Variants in COL9A3 observed in about 807,000 individuals in gnomAD.
COL9A3 encodes collagen type IX alpha 3 chain, also known as collagen alpha-3(IX) chain.
A neutral mutation model predicts 110.2 loss-of-function variants in COL9A3; 82 were observed. The observed-to-expected ratio is 0.74, with a 90% CI of 0.62 to 0.89. The LOEUF is 0.89. COL9A3 is among the 40% of genes least tolerant of loss of function. The probability of loss-of-function intolerance (pLI) is 0.00; values close to 1 mark genes in which losing one functional copy is unlikely to be tolerated. For synonymous variants in COL9A3, 494 were observed against 403.8 expected (o/e 1.22, Z -2.68); for missense variants, 1,066 against 981.3 (o/e 1.09, Z -1.15).
rs2063672701 is a variant in COL9A3 at position 62,840,826 on chromosome 20, G to GA, written c.*95dup. The GA allele has an allele frequency of 2.8e-6, 4 of 1,454,126 alleles. No individual in the cohort carries two copies. The highest frequency in any genetic ancestry group is 3.6e-4 in the Middle Eastern group (2 of 5,608). The allele number at this position is 1,454,126 out of a possible 1,614,324, so 90.1% of individuals were successfully genotyped here. On this transcript the variant is annotated 3_prime_UTR_variant, in exon 32 of 32. Transcript: ENST00000649368. ...TGTGGCAGGCGGGTGACGTCCAGGA[G>GA]AGGGAGCGCCCCTGGCTGCCCCTCG...
intron 10 of COL9A3, among the ~76,000 whole-genome samples, chr20:62,823,400 G>A (rs2063526028): frequency 6.6e-6 from 1 of 152,208 alleles, no homozygotes; most frequent in Non-Finnish European, 1.5e-5. Flanking sequence ...TCTCTGTTTG[G>A]CCGTCCGTGG....
At chr20:62,821,949 C>G in intron 8 of COL9A3, 139 bp downstream of exon 8, 1 of 752,624 alleles carries the variant, frequency 1.3e-6, no homozygotes, top group East Asian at 2.6e-5. Flanking sequence ...GGTAGAAGCC[C>G]TGGCCAATGA....
chr20:62,819,633 G>A (rs567952676), intron 4 of COL9A3, among the ~76,000 whole-genome samples: 14 of 152,318 alleles, frequency 9.2e-5, no homozygotes, highest in Admixed American at 2.0e-4. Context: ...AGTTTTGTTC[G>A]GAGGAAGCCG....
chr20:62,830,273 G>A, intron 22 of COL9A3, 87 bp from the exon 23 acceptor site: 1 of 1,466,242 alleles, frequency 6.8e-7, no homozygotes, highest in Non-Finnish European at 9.3e-7. Context: ...ACCCACTCTG[G>A]GGGAAGGCTG....
Position 62,828,852 on chromosome 20 carries a change from G to A in COL9A3, c.954+35G>A, listed in dbSNP as rs199824164. The A allele has an allele frequency of 6.3e-5, 101 of 1,612,648 alleles. No homozygotes were observed. The East Asian group carries it at 2.1e-3, about 34-fold the overall frequency. On this transcript the variant is annotated intron_variant, in intron 18 of 31. Coordinates refer to ENST00000649368, the MANE Select transcript of COL9A3 (RefSeq NM_001853.4). ...GGGCTCAGGGTGTGACGGGAGGGAG[G>A]GGGCTGGAGGGGAGTTCGGCCTCCC...
intron 5 of COL9A3, among the ~76,000 whole-genome samples, 184 bp from the exon 6 acceptor site, chr20:62,820,997 A>T (rs2147199371): frequency 6.6e-6 from 1 of 152,308 alleles, no homozygotes; most frequent in South Asian, 2.1e-4. Flanking sequence ...TGTCTCCAGC[A>T]GCTCCCCAGG....
At position 62,817,069 on chromosome 20, in the gene COL9A3, C is replaced by G; in HGVS notation, c.5C>G (p.Ala2Gly). 2 of 1,378,062 alleles carry G rather than the reference C, an allele frequency of 1.5e-6. No individual in the cohort carries two copies. Among genetic ancestry groups the G allele is most frequent in the Non-Finnish European group, 1.9e-6 (2 of 1,059,208 alleles). The allele number at this position is 1,378,062 out of a possible 1,614,324, so 85.4% of individuals were successfully genotyped here. A position where few individuals can be genotyped will look rare whatever the true frequency, so the allele number is the denominator to read the frequency against. Reference protein sequence around the residue: MAGPRACAPLLL... With the variant: MGGPRACAPLLL... ...CAGCTCAGACTCCGCTCAGCCATGG[C>G]CGGGCCGCGCGCGTGCGCCCCGCTC... The change falls in exon 1 of 32, where the codon GCC becomes GGC. Residue 2 changes from alanine (A) to glycine (G), a missense_variant. Ala to Gly is a moderately conservative substitution (Grantham distance 60). Transcript: ENST00000649368.
intron 11 of COL9A3, 50 bp downstream of exon 11, chr20:62,824,551 G>A (rs756125092): frequency 3.3e-6 from 5 of 1,534,412 alleles, no homozygotes; most frequent in Admixed American, 3.9e-5. Flanking sequence ...CTGGGCAGGA[G>A]GCAGCTGGGC....
At chr20:62,817,689 C>A (rs1990980145) in intron 2 of COL9A3, 54 bp downstream of exon 2, 2 of 1,244,484 alleles carry the variant, frequency 1.6e-6, no homozygotes, top group Non-Finnish European at 2.2e-6. Flanking sequence ...GGCTCTGGCC[C>A]CCACCTCCCT....
chr20:62,821,214 G>T lies in COL9A3; in HGVS notation c.343G>T (p.Gly115Trp). ...GGGACCCCCGGGGCCGCCCGGGCTG[G>T]GGGTGAGTATGGAGTGTGGTCCTCT... ...SLGPPGPPGL[G>W]GKGLPGPPGE... is the part of the protein sequence containing the mutation. The change falls in exon 6 of 32, where the codon GGG becomes TGG. Residue 115 changes from glycine to tryptophan, a missense_variant and splice_region_variant. Gly to Trp is a radical substitution (Grantham distance 184). Transcript: ENST00000649368. 6.2e-7 allele frequency: 1 copy of T among 1,613,326 alleles called. No individual in the cohort carries two copies. Among genetic ancestry groups the T allele is most frequent in the Middle Eastern group, 1.7e-4 (1 of 6,050 alleles).
At chr20:62,828,882 C>T (rs772079619) in intron 18 of COL9A3, 41 bp from the exon 19 acceptor site, 27 of 1,612,320 alleles carry the variant, frequency 1.7e-5, no homozygotes, top group Non-Finnish European at 1.9e-5. Flanking sequence ...CCTCCCGAGG[C>T]CTCAGCCTCC....
At chr20:62,825,912 G>A (rs937631129) in intron 13 of COL9A3, 42 bp downstream of exon 13, 25 of 1,538,272 alleles carry the variant, frequency 1.6e-5, no homozygotes, top group Non-Finnish European at 2.1e-5. Context: ...TGGGAACTCA[G>A]CCCACAGAGT....
intron 10 of COL9A3, 147 bp downstream of exon 10, chr20:62,822,779 G>C (rs1223342583): frequency 1.2e-6 from 1 of 824,006 alleles, no homozygotes; most frequent in East Asian, 2.6e-5. Context: ...CAGACAGCTC[G>C]GGCACAACCT....
chr20:62,832,984 AAC>A, intron 25 of COL9A3, 34 bp from the exon 26 acceptor site: 1 of 1,606,112 alleles, frequency 6.2e-7, no homozygotes, highest in Non-Finnish European at 8.5e-7. Flanking sequence ...CTCATGCATG[AAC>A]AGCTCTTTTA....
At chr20:62,832,988 G>GTCCCTA in intron 25 of COL9A3, 32 bp from the exon 26 acceptor site, 1 of 1,609,102 alleles carries the variant, frequency 6.2e-7, no homozygotes, top group Non-Finnish European at 8.5e-7. Context: ...TGCATGAACA[G>GTCCCTA]CTCTTTTAAC....
chr20:62,824,455 TCTGCCCGCCAGGTCCC>T lies in COL9A3; in HGVS notation c.532_547del (p.Cys178GlnfsTer350), dbSNP rs1314933622. On this transcript the variant is annotated frameshift_variant, in exon 11 of 32. Coordinates refer to ENST00000649368, the MANE Select transcript of COL9A3 (RefSeq NM_001853.4). LOFTEE classifies it high-confidence loss of function. The stretch of plus-strand genomic sequence containing the variant: ...TCTGTTTTCCGACAGTGCCCAAGTA[TCTGCCCGCCAGGTCCC>T]CCAGGGCCCCCTGGAATGCCAGGGT... 6.2e-7 allele frequency: 1 copy of T among 1,602,370 alleles called. No individual in the cohort carries two copies. The highest frequency in any genetic ancestry group is 8.5e-7 in the Non-Finnish European group (1 of 1,175,030).
intron 14 of COL9A3, 95 bp downstream of exon 14, chr20:62,826,352 C>T: frequency 8.4e-7 from 1 of 1,195,476 alleles, no homozygotes; most frequent in Non-Finnish European, 1.2e-6. Flanking sequence ...GAGTGACACT[C>T]TGAAGCAGCC....
intron 29 of COL9A3, 76 bp from the exon 30 acceptor site, chr20:62,837,007 A>G (rs2063641596): frequency 6.4e-7 from 1 of 1,555,502 alleles, no homozygotes. Context: ...CACCGTGTAG[A>G]TATTTTATGC....
In COL9A3 at chr20:62,836,478, G is replaced by A. The variant is rs2063637213; in HGVS notation, c.1549G>A (p.Gly517Arg). ...GACGAATGTGTGGGGTGAATTCCAGGGGAAGGAGGCCAGCGAGCAGCGCAT... is the reference window on the plus strand; with the variant it reads ...GACGAATGTGTGGGGTGAATTCCAGAGGAAGGAGGCCAGCGAGCAGCGCAT... ...PGITGKPGVP[G>R]KEASEQRIRE... The change falls in exon 29 of 32, where the codon GGG becomes AGG. Residue 517 changes from glycine to arginine, a missense_variant and splice_region_variant. Coordinates refer to ENST00000649368, the MANE Select transcript of COL9A3 (RefSeq NM_001853.4). 6.2e-7 allele frequency: 1 copy of A among 1,613,574 alleles called. No homozygotes were observed.
Sources: gnomAD v4.1 joint callset for allele counts (sites outside exome capture counted in the v4.1 genomes callset) on GRCh38, gnomAD v4.1.1 for gene constraint, MANE v1.5 for transcripts, NCBI Gene and HGNC (gene_info 2026-07-23, HGNC 2026-07-21) for gene names.